Variants in LAMC2 observed in about 807,000 individuals in gnomAD.
LAMC2 encodes the protein laminin subunit gamma-2.
In LAMC2, 97 loss-of-function variants were observed where a neutral mutation model predicts 140.2. The observed-to-expected ratio is 0.69, with a 90% CI of 0.59 to 0.82. The LOEUF is 0.82. Ranked by LOEUF, LAMC2 falls within the 40% of genes least tolerant of loss-of-function variation. The pLI is 0.00. For synonymous variants in LAMC2, 513 were observed against 540.2 expected, an observed-to-expected ratio of 0.95 and a Z score of 0.70; for missense variants, 1,402 against 1,476.1, an observed-to-expected ratio of 0.95 and a Z score of 0.82.
At chr1:183,257,530 A>G in the LAMC2 span, among the ~76,000 whole-genome samples, 2 of 152,146 alleles carry the variant, frequency 1.3e-5, no homozygotes, top group African/African-American at 4.8e-5. Flanking sequence ...CTTTGTTGGG[A>G]AGTTTTTAAT....
downstream of LAMC2, among the ~76,000 whole-genome samples, chr1:183,245,694 C>G (rs899834322): frequency 2.6e-5 from 4 of 152,200 alleles, no homozygotes; most frequent in African/African-American, 9.7e-5. Flanking sequence ...TGTTAGGATG[C>G]CACTTCACAG....
intron 1 of LAMC2, among the ~76,000 whole-genome samples, chr1:183,202,418 C>T (rs985513614): frequency 1.3e-5 from 2 of 151,886 alleles, no homozygotes; most frequent in African/African-American, 4.8e-5. Context: ...GGAAAGGGGG[C>T]TTAAATCAGC....
intron 1 of LAMC2, among the ~76,000 whole-genome samples, chr1:183,198,027 G>A (rs1248170486): frequency 1.3e-5 from 2 of 151,806 alleles, no homozygotes. Flanking sequence ...GAGGGAAAAA[G>A]ATTTGATGTC....
At chr1:183,223,443 C>A (rs770623727) in intron 7 of LAMC2, 119 bp downstream of exon 7, 48 of 949,084 alleles carry the variant, frequency 5.1e-5, no homozygotes, top group Non-Finnish European at 6.6e-5. Flanking sequence ...GCACCTTTTA[C>A]GTACCATGAA....
At chr1:183,193,549 T>C (rs1020468021) in intron 1 of LAMC2, among the ~76,000 whole-genome samples, 1 of 152,236 alleles carries the variant, frequency 6.6e-6, no homozygotes, top group Non-Finnish European at 1.5e-5. Context: ...CATTTTGCTC[T>C]TGGTAAAAGG....
At chr1:183,232,444 G>C (rs967270820) in intron 13 of LAMC2, 101 bp downstream of exon 13, 8 of 1,363,998 alleles carry the variant, frequency 5.9e-6, no homozygotes, top group Middle Eastern at 2.2e-4. Context: ...CAGTTCAGCA[G>C]TTATCTCCAG....
At chr1:183,222,617 C>CA (rs1659509164) in intron 6 of LAMC2, among the ~76,000 whole-genome samples, 1 of 151,942 alleles carries the variant, frequency 6.6e-6, no homozygotes, top group East Asian at 1.9e-4. Flanking sequence ...GTGGTACGTG[C>CA]CTTGGTGGAA....
chr1:183,252,579 G>A, the LAMC2 span: 5 of 1,143,108 alleles, frequency 4.4e-6, no homozygotes, highest in South Asian at 2.4e-5. Flanking sequence ...AGAGAGGCAG[G>A]AGAGAAACAG....
rs1245284627 is a variant in LAMC2 at position 183,207,951 on chromosome 1, A to T, written c.150A>T (p.Gly50=). 1 of 1,613,190 alleles carries T rather than the reference A, an allele frequency of 6.2e-7. No homozygotes were observed. Among genetic ancestry groups the T allele is most frequent in the Non-Finnish European group, 8.5e-7 (1 of 1,179,972 alleles). ...AACTTCACAGACAAACTGGTAATGG[A>T]TTCCGCTGCCTCAACTGCAATGACA... ...DRELHRQTGN[G]FRCLNCNDNT... is the part of the protein sequence containing the mutation. The change falls in exon 2 of 23, where the codon GGA becomes GGT. Residue 50 remains glycine, a synonymous_variant. Coordinates refer to ENST00000264144, the MANE Select transcript of LAMC2 (RefSeq NM_005562.3).
At chr1:183,219,641 C>T (rs1057216488) in intron 4 of LAMC2, among the ~76,000 whole-genome samples, 64 of 152,292 alleles carry the variant, frequency 4.2e-4, no homozygotes, top group African/African-American at 1.5e-3. Flanking sequence ...TCCCATCCTT[C>T]CTTGTTTTTT....
chr1:183,232,585 C>T lies in LAMC2; in HGVS notation c.2015-67C>T, dbSNP rs558858970. The T allele has an allele frequency of 1.4e-4, 194 of 1,410,594 alleles. 1 individual carries two copies. In the African/African-American group the frequency reaches 2.2e-3, roughly 16 times the overall value. 87.4% of individuals were successfully genotyped at this position (1,410,594 alleles called of 1,614,324 possible). On this transcript the variant is annotated intron_variant, in intron 13 of 22. Transcript: ENST00000264144. ...TTTGACCATAAGCCAGTCAACCCTC[C>T]GTTATGTTTGCTAACTCTATGCTGA...
rs1429713395 is a variant in LAMC2 at position 183,228,881 on chromosome 1, G to A, written c.1714+262G>A. Among the ~76,000 whole-genome samples the A allele has an allele frequency of 6.6e-6, 1 of 152,176 alleles. No homozygotes were observed. The highest frequency in any genetic ancestry group is 1.9e-4 in the East Asian group (1 of 5,194). ...AAAGGTCAGGTTTACATTCCTACGC[G>A]GAAAAGGATGTAACACGGGGCCACA... is the stretch of plus-strand genomic sequence containing the variant. On this transcript the variant is annotated intron_variant, in intron 11 of 22. Transcript: ENST00000264144. This position sits in a 1 kb window ranked among gnomAD's most constrained non-coding sequence, Gnocchi z 4.3.
intron 1 of LAMC2, among the ~76,000 whole-genome samples, chr1:183,189,549 G>T (rs1658259957): frequency 6.6e-6 from 1 of 152,120 alleles, no homozygotes; most frequent in Non-Finnish European, 1.5e-5. Context: ...TAGTTTAGAA[G>T]GGAAATTTGA....
chr1:183,202,581 CAT>C (rs1658744715), intron 1 of LAMC2, among the ~76,000 whole-genome samples: 2 of 152,152 alleles, frequency 1.3e-5, no homozygotes, highest in African/African-American at 4.8e-5. Context: ...ATAAGAAAAA[CAT>C]AGATAAATGG....
chr1:183,202,654 C>T (rs188131949), intron 1 of LAMC2, among the ~76,000 whole-genome samples: 420 of 152,292 alleles, frequency 2.8e-3, no homozygotes, highest in Non-Finnish European at 4.8e-3. Context: ...TGGCATATGG[C>T]ACTTTCTACC....
the LAMC2 span, among the ~76,000 whole-genome samples, chr1:183,256,368 C>T: frequency 6.6e-6 from 1 of 152,004 alleles, no homozygotes; most frequent in African/African-American, 2.4e-5. Context: ...GAGATTGTGC[C>T]ACTGCACTCC....
chr1:183,252,589 G>T, the LAMC2 span: 1 of 1,236,626 alleles, frequency 8.1e-7, no homozygotes, highest in Non-Finnish European at 1.2e-6. Context: ...GAGAGAAACA[G>T]GGGGCTGACA....
chr1:183,225,893 T>C (rs570780738), intron 8 of LAMC2, among the ~76,000 whole-genome samples, 173 bp downstream of exon 8: 1 of 152,244 alleles, frequency 6.6e-6, no homozygotes, highest in East Asian at 1.9e-4. Context: ...TTAGAAGAAA[T>C]GTTTCTCTAA....
At chr1:183,235,894 T>G (rs1659947582) in intron 16 of LAMC2, among the ~76,000 whole-genome samples, 164 bp downstream of exon 16, 1 of 152,188 alleles carries the variant, frequency 6.6e-6, no homozygotes, top group Non-Finnish European at 1.5e-5. Flanking sequence ...AAAGCAGATA[T>G]TTTTAAGACT....
Sources: gnomAD v4.1 joint callset for allele counts (sites outside exome capture counted in the v4.1 genomes callset) on GRCh38, gnomAD v4.1.1 for gene constraint, Gnocchi (gnomAD v3.1) non-coding constraint, MANE v1.5 for transcripts, NCBI Gene and HGNC (gene_info 2026-07-23, HGNC 2026-07-21) for gene names.